The following GFPT1 variants were observed in gnomAD, a reference collection of about 807,000 sequenced individuals.
The protein encoded by GFPT1 is glutamine--fructose-6-phosphate aminotransferase [isomerizing] 1.
In GFPT1, 40 loss-of-function variants were observed where a neutral mutation model predicts 92.0. That is an observed-to-expected ratio of 0.43 (90% CI 0.34 to 0.57). GFPT1 has a LOEUF of 0.57. Ranked by LOEUF, GFPT1 falls within the 20% of genes least tolerant of loss-of-function variation. GFPT1 has a pLI of 0.02. For synonymous variants in GFPT1, 269 were observed against 280.6 expected (o/e 0.96, Z 0.41); for missense variants, 448 against 869.1 (o/e 0.52, Z 6.09).
At chr2:69,354,944 G>T (rs1294560603) in intron 7 of GFPT1, among the ~76,000 whole-genome samples, 1 of 152,110 alleles carries the variant, frequency 6.6e-6, no homozygotes, top group Non-Finnish European at 1.5e-5. Context: ...GTGAAGGTTG[G>T]AGTGAGCCAA....
intron 1 of GFPT1, among the ~76,000 whole-genome samples, chr2:69,384,693 C>CAAAAAAAAAA (rs71964630): frequency 1.4e-4 from 15 of 106,594 alleles, no homozygotes; most frequent in South Asian, 2.9e-4. Context: ...GGCCCCGTCA[C>CAAAAAAAAAA]AAAAAAAAAA....
chr2:69,331,759 T>C (rs1670669000), intron 15 of GFPT1, among the ~76,000 whole-genome samples: 1 of 152,130 alleles, frequency 6.6e-6, no homozygotes. Context: ...TAAGAACCTT[T>C]CTATGTGGAA....
intron 9 of GFPT1, among the ~76,000 whole-genome samples, chr2:69,352,631 A>AAC (rs1671237624): frequency 6.6e-6 from 1 of 151,578 alleles, no homozygotes; most frequent in African/African-American, 2.4e-5. Flanking sequence ...AAAAAAAAAA[A>AAC]AAAAAACAAC....
intron 15 of GFPT1, among the ~76,000 whole-genome samples, chr2:69,331,696 T>C (rs931188402): frequency 6.6e-6 from 1 of 152,048 alleles, no homozygotes. Context: ...GTGAAATGTT[T>C]TGAGACAGAG....
chr2:69,329,579 C>A, intron 16 of GFPT1, 105 bp downstream of exon 16: 2 of 972,906 alleles, frequency 2.1e-6, no homozygotes, highest in East Asian at 2.4e-5. Flanking sequence ...GTAGAAAGAT[C>A]TTATTGACTA....
intron 15 of GFPT1, among the ~76,000 whole-genome samples, chr2:69,336,843 G>A (rs1670812430): frequency 6.6e-6 from 1 of 151,810 alleles, no homozygotes; most frequent in South Asian, 2.1e-4. Context: ...CACTTGTGGA[G>A]GGATAACATC....
chr2:69,355,167 T>A (rs1282651824), intron 7 of GFPT1, among the ~76,000 whole-genome samples: 1 of 152,164 alleles, frequency 6.6e-6, no homozygotes, highest in African/African-American at 2.4e-5. Flanking sequence ...AGCCTTGACC[T>A]CCTGGCCTCA....
intron 1 of GFPT1, 134 bp downstream of exon 1, chr2:69,386,931 G>A (rs1007515444): frequency 5.3e-6 from 4 of 755,550 alleles, no homozygotes; most frequent in Non-Finnish European, 9.0e-6. Context: ...GCCACCACTG[G>A]GCGCCCCTTG....
rs1670532668 is a variant in GFPT1, at chr2:69,326,372, A to G, written c.2056-139T>C. 4 of 654,622 alleles carry G rather than the reference A, an allele frequency of 6.1e-6. No homozygotes were observed. In the South Asian group the frequency reaches 7.1e-5, roughly 12 times the overall value. The allele number at this position is 654,622 out of a possible 1,614,324, so 40.6% of individuals were successfully genotyped here. A position where few individuals can be genotyped will look rare whatever the true frequency, so the allele number is the denominator to read the frequency against. Reference sequence around the variant, plus strand: ...ATTAACCATCTTTATTACAGACTACAAAGAATTAGATTAGAAAATATAATC... The same window carrying G: ...ATTAACCATCTTTATTACAGACTACGAAGAATTAGATTAGAAAATATAATC... On this transcript the variant is annotated intron_variant, in intron 19 of 19. Coordinates refer to ENST00000357308, the MANE Select transcript of GFPT1 (RefSeq NM_001244710.2).
chr2:69,346,600 A>T (rs2104632515), intron 11 of GFPT1, among the ~76,000 whole-genome samples: 1 of 152,312 alleles, frequency 6.6e-6, no homozygotes, highest in South Asian at 2.1e-4. Flanking sequence ...ATCCTTTACT[A>T]TCTAAACTGG....
chr2:69,326,271 AT>A, intron 19 of GFPT1, 38 bp from the exon 20 acceptor site: 1 of 1,450,142 alleles, frequency 6.9e-7, no homozygotes, highest in Non-Finnish European at 9.6e-7. Context: ...GATTTGAGAG[AT>A]TATATAGACT....
Position 69,326,155 on chromosome 2 carries a change from T to A in GFPT1, c.*34A>T, listed in dbSNP as rs1171606453. The stretch of plus-strand genomic sequence containing the variant: ...ACAAAAGGTGTCTTGTGTTGCTTAA[T>A]CATACAGTTTCGTACATTTTGTATA... On this transcript the variant is annotated 3_prime_UTR_variant, in exon 20 of 20. Transcript: ENST00000357308. 1 of 1,415,628 alleles carries A rather than the reference T, an allele frequency of 7.1e-7. No individual in the cohort carries two copies. Among genetic ancestry groups the A allele is most frequent in the East Asian group, 2.3e-5 (1 of 43,870 alleles). The allele number at this position is 1,415,628 out of a possible 1,614,324, so 87.7% of individuals were successfully genotyped here.
chr2:69,371,747 G>A (rs1359035631), intron 2 of GFPT1, among the ~76,000 whole-genome samples: 1 of 151,808 alleles, frequency 6.6e-6, no homozygotes, highest in Non-Finnish European at 1.5e-5. Context: ...TGAGGCAGGA[G>A]AATGGCGTGA....
chr2:69,336,768 C>T (rs1259452427), intron 15 of GFPT1, among the ~76,000 whole-genome samples: 2 of 152,024 alleles, frequency 1.3e-5, no homozygotes, highest in African/African-American at 4.8e-5. Flanking sequence ...CCAGCCCCAG[C>T]CTGGGTGACA....
intron 14 of GFPT1, 59 bp downstream of exon 14, chr2:69,338,386 T>G: frequency 6.9e-7 from 1 of 1,446,002 alleles, no homozygotes; most frequent in Non-Finnish European, 9.7e-7. Flanking sequence ...TGCCAAGATA[T>G]GCTAGAATTA....
At chr2:69,326,690 A>G (rs752648420) in intron 19 of GFPT1, among the ~76,000 whole-genome samples, 5 of 152,222 alleles carry the variant, frequency 3.3e-5, no homozygotes, top group Non-Finnish European at 7.3e-5. Flanking sequence ...AGACTACCCA[A>G]GGTGAGTCAC....
chr2:69,338,834 T>C (rs1670866790), intron 13 of GFPT1, among the ~76,000 whole-genome samples: 1 of 137,482 alleles, frequency 7.3e-6, no homozygotes, highest in Admixed American at 8.0e-5. Context: ...GGAGTCTCGC[T>C]CTGTCGCCAG....
intron 3 of GFPT1, among the ~76,000 whole-genome samples, chr2:69,366,354 A>T (rs1292508960): frequency 6.6e-6 from 1 of 152,188 alleles, no homozygotes; most frequent in Non-Finnish European, 1.5e-5. Flanking sequence ...ATATAAATTA[A>T]TCATGACTTT....
At chr2:69,355,251 T>A (rs11486522) in intron 7 of GFPT1, among the ~76,000 whole-genome samples, 2 of 152,016 alleles carry the variant, frequency 1.3e-5, no homozygotes, top group Admixed American at 6.6e-5. Context: ...CTAAATTTTT[T>A]ATTTTTTATA....
Sources: gnomAD v4.1 joint callset for allele counts (sites outside exome capture counted in the v4.1 genomes callset) on GRCh38, gnomAD v4.1.1 for gene constraint, MANE v1.5 for transcripts, NCBI Gene and HGNC (gene_info 2026-07-23, HGNC 2026-07-21) for gene names.